UNC5D: variants seen among roughly 807,000 people sequenced by gnomAD.
The protein encoded by UNC5D is netrin receptor UNC5D.
Under a neutral mutation model 105.4 loss-of-function variants are expected in UNC5D, and 39 were observed. That is an observed-to-expected ratio of 0.37 (90% confidence interval 0.29 to 0.48). UNC5D has a LOEUF of 0.48. UNC5D is among the 20% of genes least tolerant of loss of function. The pLI, the probability that UNC5D is intolerant of heterozygous loss-of-function variation, is 0.98. For missense variants in UNC5D, 991 were observed against 1,202.4 expected, an observed-to-expected ratio of 0.82 and a Z score of 2.60; for synonymous variants, 452 against 450.4, an observed-to-expected ratio of 1.00 and a Z score of -0.04.
At chr8:35,550,767 G>C (rs553635190) in intron 2 of UNC5D, among the ~76,000 whole-genome samples, 34 of 152,258 alleles carry the variant, frequency 2.2e-4, no homozygotes, top group Non-Finnish European at 4.4e-5. Flanking sequence ...TATCAGTAAA[G>C]GTATTGTAGA....
chr8:35,343,992 A>T (rs1232716942), intron 1 of UNC5D, among the ~76,000 whole-genome samples: 2 of 152,136 alleles, frequency 1.3e-5, no homozygotes, highest in Non-Finnish European at 2.9e-5. Flanking sequence ...GATCAATGCT[A>T]GAGAATTTCA....
At position 35,257,729 on chromosome 8, in the gene UNC5D, T is replaced by G. The variant is rs1804183331; in HGVS notation, c.103+21842T>G. On this transcript the variant is annotated intron_variant, in intron 1 of 16. Coordinates refer to ENST00000404895, the MANE Select transcript of UNC5D (RefSeq NM_080872.4). The stretch of plus-strand genomic sequence containing the variant: ...GACTCCCTAAGACTATTGACACCAT[T>G]GGTCAGTATTACCGCAGGAGAATTC... Among the ~76,000 whole-genome samples, 4 of 152,294 alleles carry G rather than the reference T, an allele frequency of 2.6e-5. No homozygotes were observed. In the South Asian group the frequency reaches 6.2e-4, roughly 24 times the overall value.
chr8:35,722,177 C>T (rs1442738689), intron 8 of UNC5D, 33 bp from the exon 9 acceptor site: 2 of 1,602,924 alleles, frequency 1.2e-6, no homozygotes, highest in African/African-American at 2.7e-5. Context: ...TGTGCCCATG[C>T]TGGTCACTTA....
intron 1 of UNC5D, among the ~76,000 whole-genome samples, chr8:35,505,257 G>C (rs1009755593): frequency 1.3e-5 from 2 of 152,188 alleles, no homozygotes; most frequent in African/African-American, 4.8e-5. Context: ...GGATAAATGT[G>C]GCAAGGCTTA....
At chr8:35,400,903 G>A (rs1320861749) in intron 1 of UNC5D, among the ~76,000 whole-genome samples, 1 of 152,084 alleles carries the variant, frequency 6.6e-6, no homozygotes, top group Non-Finnish European at 1.5e-5. Flanking sequence ...ACAGTGGAGG[G>A]GGCATGTATA....
At chr8:35,777,437 C>T (rs759920061) in intron 16 of UNC5D, among the ~76,000 whole-genome samples, 1 of 152,126 alleles carries the variant, frequency 6.6e-6, no homozygotes, top group Non-Finnish European at 1.5e-5. Flanking sequence ...AAATGAAAAA[C>T]CTCATACAGT....
chr8:35,702,331 G>A (rs1055891713), intron 7 of UNC5D, among the ~76,000 whole-genome samples: 9 of 152,130 alleles, frequency 5.9e-5, no homozygotes, highest in South Asian at 4.2e-4. Context: ...TATGTTGCCC[G>A]AAAGTGATCA....
intron 1 of UNC5D, among the ~76,000 whole-genome samples, chr8:35,456,970 T>C (rs1271087930): frequency 6.6e-6 from 1 of 152,220 alleles, no homozygotes; most frequent in Admixed American, 6.5e-5. Context: ...CCTCTACCTA[T>C]GTTACTTGTG....
chr8:35,614,786 T>G (rs2130997405), intron 4 of UNC5D, among the ~76,000 whole-genome samples: 1 of 152,310 alleles, frequency 6.6e-6, no homozygotes, highest in East Asian at 1.9e-4. Flanking sequence ...TGACACGTCT[T>G]TAGCTGGGAA....
intron 1 of UNC5D, among the ~76,000 whole-genome samples, chr8:35,308,724 A>G (rs912220736): frequency 2.6e-5 from 4 of 152,198 alleles, no homozygotes; most frequent in African/African-American, 9.6e-5. Flanking sequence ...TTGTGAATCA[A>G]TAATGATTAT....
chr8:35,276,002 A>C (rs1399086563), intron 1 of UNC5D, among the ~76,000 whole-genome samples: 2 of 152,228 alleles, frequency 1.3e-5, no homozygotes, highest in African/African-American at 4.8e-5. Context: ...TAGAGATAGA[A>C]GATTTCCTTG....
intron 1 of UNC5D, among the ~76,000 whole-genome samples, chr8:35,539,482 T>C (rs1815114918): frequency 6.6e-6 from 1 of 152,196 alleles, no homozygotes; most frequent in African/African-American, 2.4e-5. Flanking sequence ...AATTTAATAT[T>C]TCATGTTCCA....
At chr8:35,279,208 T>C (rs1245279740) in intron 1 of UNC5D, among the ~76,000 whole-genome samples, 1 of 152,214 alleles carries the variant, frequency 6.6e-6, no homozygotes, top group African/African-American at 2.4e-5. Context: ...AGTTCTTATG[T>C]AAATAGTGTC....
intron 3 of UNC5D, among the ~76,000 whole-genome samples, chr8:35,586,205 C>G (rs1389845760): frequency 6.6e-6 from 1 of 152,124 alleles, no homozygotes; most frequent in African/African-American, 2.4e-5. Context: ...ACCCGGGAAA[C>G]AGCGGTTACA....
chr8:35,388,140 G>A (rs1419167779), intron 1 of UNC5D, among the ~76,000 whole-genome samples: 3 of 152,116 alleles, frequency 2.0e-5, no homozygotes, highest in East Asian at 1.9e-4. Context: ...TTGGGAGGCC[G>A]AGGTGGGTGG....
chr8:35,655,804 C>T (rs977685156), intron 4 of UNC5D, among the ~76,000 whole-genome samples: 3 of 151,980 alleles, frequency 2.0e-5, no homozygotes, highest in African/African-American at 7.3e-5. Flanking sequence ...GGAGAGATGC[C>T]CACAGCCAAA....
chr8:35,712,849 T>C (rs1468946261), intron 8 of UNC5D, among the ~76,000 whole-genome samples: 1 of 152,230 alleles, frequency 6.6e-6, no homozygotes, highest in African/African-American at 2.4e-5. Context: ...ATTAGGCTAC[T>C]GGCATTGAAG....
chr8:35,461,328 C>A (rs563526613), intron 1 of UNC5D, among the ~76,000 whole-genome samples: 2 of 152,250 alleles, frequency 1.3e-5, no homozygotes, highest in Admixed American at 1.3e-4. Context: ...TTATATCTTA[C>A]GTGTCTACAT....
intron 1 of UNC5D, among the ~76,000 whole-genome samples, chr8:35,493,002 A>T (rs901531804): frequency 6.6e-6 from 1 of 152,098 alleles, no homozygotes; most frequent in Non-Finnish European, 1.5e-5. Flanking sequence ...TAGGGTGGGG[A>T]TCGTAAGACA....
Sources: allele counts gnomAD v4.1 joint callset (sites outside exome capture counted in the v4.1 genomes callset), GRCh38; gene constraint gnomAD v4.1.1; transcripts MANE v1.5; gene names NCBI Gene and HGNC (gene_info 2026-07-23, HGNC 2026-07-21).